Variants in MYO9B observed in about 807,000 individuals in gnomAD.
MYO9B encodes myosin IXB, also known as unconventional myosin-IXb.
In MYO9B, 71 loss-of-function variants were observed where a neutral mutation model predicts 229.5. That is an observed-to-expected ratio of 0.31 (90% CI 0.26 to 0.38). MYO9B has a LOEUF of 0.38. Among genes scored for constraint, MYO9B ranks in the 10% least tolerant of loss-of-function variants. The pLI, the probability that MYO9B is intolerant of heterozygous loss-of-function variation, is 1.00. For synonymous variants in MYO9B, 1,185 were observed against 1,235.8 expected (o/e 0.96, Z 0.86); for missense variants, 2,255 against 2,920.5 (o/e 0.77, Z 5.25).
intron 14 of MYO9B, among the ~76,000 whole-genome samples, chr19:17,178,960 G>A (rs945549465): frequency 3.3e-5 from 5 of 149,708 alleles, no homozygotes; most frequent in Admixed American, 6.7e-5. Context: ...GAACCTGGGA[G>A]GCGGGGTTTG....
At chr19:17,081,667 G>T (rs1393872088) in intron 1 of MYO9B, among the ~76,000 whole-genome samples, 1 of 151,922 alleles carries the variant, frequency 6.6e-6, no homozygotes, top group Non-Finnish European at 1.5e-5. Context: ...AAATTAGCTG[G>T]GTGTAGTGGC....
At chr19:17,174,664 G>A (rs2072763759) in intron 13 of MYO9B, among the ~76,000 whole-genome samples, 1 of 151,698 alleles carries the variant, frequency 6.6e-6, no homozygotes, top group Admixed American at 6.6e-5. Flanking sequence ...GCCGGACACG[G>A]TGGCTCACGT....
At chr19:17,089,488 C>A (rs1018446192) in intron 1 of MYO9B, among the ~76,000 whole-genome samples, 1 of 152,178 alleles carries the variant, frequency 6.6e-6, no homozygotes, top group Non-Finnish European at 1.5e-5. Context: ...CGTCCGGAGG[C>A]CTTTATTCTC....
In MYO9B at chr19:17,102,513, A is replaced by T; in HGVS notation, c.796A>T (p.Ser266Cys). The T allele has an allele frequency of 1.2e-6, 2 of 1,610,910 alleles. No individual in the cohort carries two copies. The highest frequency in any genetic ancestry group is 1.7e-6 in the Non-Finnish European group (2 of 1,178,492). Residue 266 changes from serine to cysteine, a missense_variant, in exon 2 of 40, where the codon AGC becomes TGC. Transcript: ENST00000682292. ...CGCCCTCAGCCAGAAGGGCTACGCC[A>T]GCGGCGTCGAGAGGACCATCCTGGG... Reference protein sequence around the residue: ...LTALSQKGYASGVERTILGAG... With the variant: ...LTALSQKGYACGVERTILGAG...
chr19:17,204,475 AC>A (rs1193303822), intron 30 of MYO9B, among the ~76,000 whole-genome samples: 1 of 151,660 alleles, frequency 6.6e-6, no homozygotes. Flanking sequence ...ATGAATGGCC[AC>A]CTTGGAGCTA....
chr19:17,138,248 G>A (rs1281037598), intron 2 of MYO9B, among the ~76,000 whole-genome samples: 2 of 152,080 alleles, frequency 1.3e-5, no homozygotes, highest in Admixed American at 6.6e-5. Flanking sequence ...TTTTATGGCT[G>A]CATAGTATTC....
chr19:17,114,745 C>T (rs1363120404), intron 2 of MYO9B, among the ~76,000 whole-genome samples: 2 of 152,048 alleles, frequency 1.3e-5, no homozygotes, highest in African/African-American at 4.8e-5. Context: ...GGGGTGACTT[C>T]TTGAAACCTA....
chr19:17,184,108 AC>A, intron 16 of MYO9B: 1 of 546,398 alleles, frequency 1.8e-6, no homozygotes. Flanking sequence ...AAGAGGGCTT[AC>A]GTGAGAAGGC....
rs558665979 is a variant in MYO9B at position 17,076,097 on chromosome 19, G to A, written c.-59+223G>A. ...ATGGAGCTGGTGAGGGAGTTCGAGG[G>A]CGTGGGGGGGGTGAGTCTTGTGGCT... On this transcript the variant is annotated intron_variant, in intron 1 of 39. Coordinates refer to ENST00000682292, the MANE Select transcript of MYO9B (RefSeq NM_004145.4). 3.4e-4 allele frequency among the ~76,000 whole-genome samples: 47 copies of A among 137,278 alleles called. 1 individual carries two copies. Among genetic ancestry groups the A allele is most frequent in the Middle Eastern group, 7.1e-3 (2 of 282 alleles). The allele number at this position is 137,278 out of a possible 152,430, so 90.1% of individuals were successfully genotyped here. A position where few individuals can be genotyped will look rare whatever the true frequency, so the allele number is the denominator to read the frequency against.
intron 1 of MYO9B, among the ~76,000 whole-genome samples, chr19:17,086,269 AC>A (rs2057582247): frequency 1.3e-5 from 2 of 152,076 alleles, no homozygotes; most frequent in South Asian, 4.2e-4. Context: ...CCAGCCTTGG[AC>A]CCACCGGCCA....
intron 2 of MYO9B, among the ~76,000 whole-genome samples, chr19:17,132,885 G>A (rs1034555824): frequency 2.1e-5 from 3 of 144,438 alleles, no homozygotes; most frequent in African/African-American, 7.7e-5. Context: ...GTCTCGCTCT[G>A]TCACCAGGCT....
intron 14 of MYO9B, among the ~76,000 whole-genome samples, chr19:17,180,472 C>T (rs1275313688): frequency 6.6e-6 from 1 of 150,830 alleles, no homozygotes; most frequent in Non-Finnish European, 1.5e-5. Flanking sequence ...GCCTCAGCCT[C>T]CCACGTAGCT....
At chr19:17,100,123 C>CAA (rs35572346) in intron 1 of MYO9B, among the ~76,000 whole-genome samples, 39 of 130,122 alleles carry the variant, frequency 3.0e-4, no homozygotes, top group African/African-American at 4.1e-4. Context: ...AACTCCATCT[C>CAA]AAAAAAAAAA....
rs756979179 is a variant in MYO9B, at chr19:17,191,123, C to T, written c.2715C>T (p.Leu905=). The part of the protein sequence containing the change: ...FQDFTEQFQV[L]LPKDAQPCRE... Reference sequence around the variant, plus strand: ...ATTTCACCGAGCAGTTCCAGGTGCTCCTGCCCAAGGATGCCCAGCCCTGCA... The same window carrying T: ...ATTTCACCGAGCAGTTCCAGGTGCTTCTGCCCAAGGATGCCCAGCCCTGCA... Residue 905 remains leucine (L), a synonymous_variant, in exon 20 of 40, where the codon CTC becomes CTT. Coordinates refer to ENST00000682292, the MANE Select transcript of MYO9B (RefSeq NM_004145.4). 2 of 1,612,756 alleles carry T rather than the reference C, an allele frequency of 1.2e-6. No homozygotes were observed. Among genetic ancestry groups the T allele is most frequent in the African/African-American group, 1.3e-5 (1 of 74,908 alleles).
At chr19:17,144,969 C>CAAAAAAAAAAAAAA (rs58527501) in intron 2 of MYO9B, among the ~76,000 whole-genome samples, 1 of 83,586 alleles carries the variant, frequency 1.2e-5, no homozygotes, top group Admixed American at 1.3e-4. Flanking sequence ...GACTTCATCT[C>CAAAAAAAAAAAAAA]AAAAAAAAAA....
chr19:17,119,752 T>C (rs1253873099), intron 2 of MYO9B, among the ~76,000 whole-genome samples: 2 of 152,130 alleles, frequency 1.3e-5, no homozygotes, highest in African/African-American at 2.4e-5. Context: ...CCCGGGTTCA[T>C]GCCATTCTTC....
At chr19:17,120,508 G>T (rs1441658989) in intron 2 of MYO9B, among the ~76,000 whole-genome samples, 1 of 151,980 alleles carries the variant, frequency 6.6e-6, no homozygotes, top group East Asian at 1.9e-4. Context: ...CCAGGCATGT[G>T]CCTGTAACCC....
chr19:17,172,586 C>A lies in MYO9B; in HGVS notation c.1935+109C>A. ...GGGCGAGGTTCCAGGGTGCTCAGAA[C>A]CCACCGCGAATCCCCGGCTCCAATG... is the stretch of plus-strand genomic sequence containing the variant. On this transcript the variant is annotated intron_variant, in intron 12 of 39. Coordinates refer to ENST00000682292, the MANE Select transcript of MYO9B (RefSeq NM_004145.4). This position sits in a 1 kb window ranked among gnomAD's most constrained non-coding sequence, Gnocchi z 8.2. The A allele has an allele frequency of 6.7e-7, 1 of 1,500,776 alleles. No homozygotes were observed. 93.0% of individuals were successfully genotyped at this position (1,500,776 alleles called of 1,614,324 possible).
chr19:17,212,233 C>A lies in MYO9B; in HGVS notation c.6397C>A (p.Pro2133Thr), dbSNP rs2073239725. 2 of 1,580,196 alleles carry A rather than the reference C, an allele frequency of 1.3e-6. No homozygotes were observed. The highest frequency in any genetic ancestry group is 2.3e-5 in the East Asian group (1 of 42,970). ...GGAGCCCCTAGAAGAGGATGGCCAGCCACCTGGGGCCAAGCGGAGGTACTC... is the reference window on the plus strand; with the variant it reads ...GGAGCCCCTAGAAGAGGATGGCCAGACACCTGGGGCCAAGCGGAGGTACTC... ...ALEPLEEDGQ[P>T]PGAKRRYSDP... is the part of the protein sequence containing the mutation. Residue 2133 changes from proline (P) to threonine (T), a missense_variant, in exon 40 of 40, where the codon CCA becomes ACA. Transcript: ENST00000682292. This position sits in a 1 kb window ranked among gnomAD's most constrained non-coding sequence, Gnocchi z 5.4.
Sources: allele counts gnomAD v4.1 joint callset (sites outside exome capture counted in the v4.1 genomes callset), GRCh38; gene constraint gnomAD v4.1.1; non-coding constraint Gnocchi (gnomAD v3.1); transcripts MANE v1.5; gene names NCBI Gene and HGNC (gene_info 2026-07-23, HGNC 2026-07-21).